Variants in ADARB2 observed in about 807,000 individuals in gnomAD.
The protein encoded by ADARB2 is adenosine deaminase RNA specific B2 (inactive).
ADARB2 carries 25 observed loss-of-function variants against 62.2 expected under a neutral mutation model. The observed-to-expected ratio is 0.40, with a 90% CI of 0.29 to 0.56. ADARB2 has a LOEUF of 0.56. Ranked by LOEUF, ADARB2 falls within the 20% of genes least tolerant of loss-of-function variation. The pLI is 0.43. For synonymous variants in ADARB2, 572 were observed against 500.8 expected, an observed-to-expected ratio of 1.14 and a Z score of -1.90; for missense variants, 1,071 against 1,077.4, an observed-to-expected ratio of 0.99 and a Z score of 0.08.
At chr10:1,655,135 C>A (rs893933387) in intron 1 of ADARB2, among the ~76,000 whole-genome samples, 2 of 152,198 alleles carry the variant, frequency 1.3e-5, no homozygotes, top group Admixed American at 1.3e-4. Context: ...TGGGGCCTTT[C>A]CTTGAGGTTT....
intron 1 of ADARB2, among the ~76,000 whole-genome samples, chr10:1,460,039 CCT>C: frequency 1.5e-5 from 1 of 68,354 alleles, no homozygotes; most frequent in Admixed American, 1.6e-4. Flanking sequence ...CCTGAGTTTA[CCT>C]GTGTAGCAAA....
chr10:1,303,163 C>A (rs998556054), intron 3 of ADARB2, among the ~76,000 whole-genome samples: 9 of 151,740 alleles, frequency 5.9e-5, no homozygotes, highest in African/African-American at 1.9e-4. Flanking sequence ...CTAGAATAAC[C>A]AATACAGAGA....
intron 2 of ADARB2, among the ~76,000 whole-genome samples, chr10:1,373,324 A>C (rs749661490): frequency 6.6e-5 from 10 of 151,508 alleles, no homozygotes; most frequent in African/African-American, 9.7e-5. Flanking sequence ...ACACACACAC[A>C]CACCCACCCA....
intron 1 of ADARB2, among the ~76,000 whole-genome samples, chr10:1,620,493 C>A (rs1833692801): frequency 1.3e-5 from 2 of 152,076 alleles, no homozygotes; most frequent in South Asian, 4.1e-4. Context: ...ATTAGAGATC[C>A]CTTTACACAA....
intron 7 of ADARB2, among the ~76,000 whole-genome samples, chr10:1,200,618 G>A (rs370070399): frequency 1.3e-5 from 2 of 152,046 alleles, no homozygotes; most frequent in East Asian, 3.8e-4. Flanking sequence ...AAATGACCTT[G>A]TTTTGGTCTG....
At chr10:1,659,099 T>C (rs1834210810) in intron 1 of ADARB2, among the ~76,000 whole-genome samples, 1 of 152,154 alleles carries the variant, frequency 6.6e-6, no homozygotes, top group Admixed American at 6.5e-5. Flanking sequence ...ATTATAATGT[T>C]TATAACTTCA....
chr10:1,733,782 A>G (rs1835263789), intron 1 of ADARB2, among the ~76,000 whole-genome samples: 1 of 152,220 alleles, frequency 6.6e-6, no homozygotes, highest in African/African-American at 2.4e-5. Flanking sequence ...ACCAAGAACT[A>G]TAAAATAAAG....
chr10:1,457,914 T>G (rs1053416252), intron 1 of ADARB2, among the ~76,000 whole-genome samples: 3 of 150,504 alleles, frequency 2.0e-5, no homozygotes, highest in African/African-American at 7.4e-5. Flanking sequence ...GGCCTTTTCC[T>G]GCACCCCTTC....
intron 1 of ADARB2, among the ~76,000 whole-genome samples, chr10:1,490,537 C>A (rs542832846): frequency 6.6e-6 from 1 of 152,304 alleles, no homozygotes; most frequent in South Asian, 2.1e-4. Flanking sequence ...TTACTGCAAC[C>A]TCTGCCTCCT....
intron 1 of ADARB2, chr10:1,678,161 G>A (rs903916010): frequency 2.2e-5 from 22 of 985,196 alleles, no homozygotes; most frequent in African/African-American, 3.5e-5. Context: ...CTGAGGGGTC[G>A]GTCACCCAGC....
chr10:1,201,734 G>A (rs1836988822), intron 7 of ADARB2, among the ~76,000 whole-genome samples: 1 of 144,784 alleles, frequency 6.9e-6, no homozygotes, highest in Admixed American at 7.0e-5. Context: ...ATTCCACAGC[G>A]TGTCTGCCTG....
Position 1,242,253 on chromosome 10 carries a change from G to T in ADARB2, c.1239C>A (p.Thr413=), listed in dbSNP as rs1412510765. ...TGAGGTGCTCGCCGCTGATGCACTT[G>T]GTCCCCGAGGACAGGGCCACGACCT... ...QAQVVALSSG[T]KCISGEHLSD... The change falls in exon 5 of 10, where the codon ACC becomes ACA. Residue 413 remains threonine (T), a synonymous_variant. Coordinates refer to ENST00000381312, the MANE Select transcript of ADARB2 (RefSeq NM_018702.4). 1.9e-6 allele frequency: 3 copies of T among 1,586,908 alleles called. No individual in the cohort carries two copies. The highest frequency in any genetic ancestry group is 1.8e-5 in the Admixed American group (1 of 55,084).
At chr10:1,264,548 C>A (rs1831175797) in intron 4 of ADARB2, among the ~76,000 whole-genome samples, 1 of 152,138 alleles carries the variant, frequency 6.6e-6, no homozygotes, top group South Asian at 2.1e-4. Flanking sequence ...TAACACAATT[C>A]TTTATTCAAG....
intron 1 of ADARB2, among the ~76,000 whole-genome samples, chr10:1,677,956 A>G (rs966264441): frequency 6.6e-6 from 1 of 152,248 alleles, no homozygotes; most frequent in Admixed American, 6.5e-5. Flanking sequence ...CACAGATAGC[A>G]GAGAACGACC....
intron 3 of ADARB2, among the ~76,000 whole-genome samples, chr10:1,323,380 A>C (rs1441632614): frequency 6.6e-6 from 1 of 152,206 alleles, no homozygotes; most frequent in Non-Finnish European, 1.5e-5. Flanking sequence ...CTGAAATAGA[A>C]GAAATGTCAA....
chr10:1,564,673 CT>C (rs1323270451), intron 1 of ADARB2, among the ~76,000 whole-genome samples: 1 of 152,174 alleles, frequency 6.6e-6, no homozygotes, highest in East Asian at 1.9e-4. Context: ...CTCACCATCA[CT>C]GGCCATCAGA....
chr10:1,267,976 C>G (rs923186730), intron 4 of ADARB2, among the ~76,000 whole-genome samples: 1 of 152,090 alleles, frequency 6.6e-6, no homozygotes, highest in African/African-American at 2.4e-5. Flanking sequence ...AGATGTAACA[C>G]GTATAATTGA....
chr10:1,654,060 G>A (rs1015816936), intron 1 of ADARB2, among the ~76,000 whole-genome samples: 1 of 152,018 alleles, frequency 6.6e-6, no homozygotes, highest in Non-Finnish European at 1.5e-5. Context: ...TTCAGCATCC[G>A]ATGCTCCTGC....
chr10:1,261,292 A>G (rs1382627317), intron 4 of ADARB2, among the ~76,000 whole-genome samples: 1,445 of 143,966 alleles, frequency 0.01, no homozygotes, highest in African/African-American at 0.04. Flanking sequence ...CAAAAGACAA[A>G]ATTGACAAAT....
Sources: gnomAD v4.1 joint callset for allele counts (sites outside exome capture counted in the v4.1 genomes callset) on GRCh38, gnomAD v4.1.1 for gene constraint, MANE v1.5 for transcripts, NCBI Gene and HGNC (gene_info 2026-07-23, HGNC 2026-07-21) for gene names.